Variants in ACACB observed in about 807,000 individuals in gnomAD.
The protein encoded by ACACB is acetyl-CoA carboxylase 2.
Under a neutral mutation model 278.8 loss-of-function variants are expected in ACACB, and 209 were observed. That is an observed-to-expected ratio of 0.75 (90% CI 0.67 to 0.84). ACACB has a LOEUF of 0.84. Among genes scored for constraint, ACACB ranks in the 40% least tolerant of loss-of-function variants. The pLI, the probability that ACACB is intolerant of heterozygous loss-of-function variation, is 0.00. For missense variants in ACACB, 2,850 were observed against 3,269.0 expected (o/e 0.87, Z 3.13); for synonymous variants, 1,174 against 1,285.6 (o/e 0.91, Z 1.86).
intron 28 of ACACB, among the ~76,000 whole-genome samples, chr12:109,232,064 G>T (rs2046489156): frequency 6.6e-6 from 1 of 152,220 alleles, no homozygotes; most frequent in African/African-American, 2.4e-5. Flanking sequence ...GAAGAGCAGT[G>T]TGGGGCCTGC....
At chr12:109,180,217 T>C in intron 11 of ACACB, 130 bp downstream of exon 11, 1 of 889,190 alleles carries the variant, frequency 1.1e-6, no homozygotes, top group East Asian at 2.6e-5. Context: ...AAAGAGCACT[T>C]TGAGAAATCT....
chr12:109,124,075 G>GT (rs137917102), intron 1 of ACACB, among the ~76,000 whole-genome samples: 6,273 of 149,498 alleles, frequency 0.042, 281 homozygotes, highest in East Asian at 0.26. Flanking sequence ...AAAGACACAA[G>GT]TTTTTTTTTT....
chr12:109,112,277 GTATATATGTATATATATTCAA>G (rs1472932630), upstream of ACACB, among the ~76,000 whole-genome samples: 2 of 146,526 alleles, frequency 1.4e-5, no homozygotes, highest in East Asian at 1.9e-4. Context: ...ATATATGTAT[GTATATATGTATATATATTCAA>G]TATATATGTG....
At chr12:109,222,683 A>C in intron 25 of ACACB, 63 bp downstream of exon 25, 1 of 1,533,050 alleles carries the variant, frequency 6.5e-7, no homozygotes, top group Non-Finnish European at 9.0e-7. Flanking sequence ...TGTGTCCCCT[A>C]CCGTGCTCAG....
Position 109,163,725 on chromosome 12 carries a change from CTA to C in ACACB, c.654-3135_654-3134del, listed in dbSNP as rs1315839478. On this transcript the variant is annotated intron_variant, in intron 2 of 52. Transcript: ENST00000338432. ...AGCGCAGTGGCACAATCTTGGCTCA[CTA>C]CAACATCCGCCTCCTGGGTTCAAGT... Among the ~76,000 whole-genome samples the C allele has an allele frequency of 2.6e-5, 4 of 152,290 alleles. No individual in the cohort carries two copies. The East Asian group carries it at 5.8e-4, about 22-fold the overall frequency.
chr12:109,209,491 G>T, intron 21 of ACACB, 138 bp downstream of exon 21: 1 of 857,028 alleles, frequency 1.2e-6, no homozygotes, highest in Non-Finnish European at 1.8e-6. Flanking sequence ...GGGGCCGAGG[G>T]TTTCCTTTTG....
chr12:109,195,985 G>A (rs559847272), intron 16 of ACACB, among the ~76,000 whole-genome samples: 1 of 152,266 alleles, frequency 6.6e-6, no homozygotes, highest in East Asian at 1.9e-4. Flanking sequence ...AAGGTTGTTG[G>A]CTTGCTAATT....
intron 41 of ACACB, among the ~76,000 whole-genome samples, chr12:109,250,760 G>A (rs2047073582): frequency 1.3e-5 from 2 of 152,170 alleles, no homozygotes; most frequent in Non-Finnish European, 2.9e-5. Context: ...TGGGTCTAAG[G>A]CAGAGTGAGA....
upstream of ACACB, chr12:109,116,459 A>C (rs968179357): frequency 1.3e-5 from 2 of 152,268 alleles, no homozygotes; most frequent in African/African-American, 2.4e-5. Flanking sequence ...CCAGGGCTGC[A>C]CAAGTGGTTT....
intron 19 of ACACB, among the ~76,000 whole-genome samples, chr12:109,202,579 T>C (rs917778263): frequency 6.6e-6 from 1 of 152,162 alleles, no homozygotes; most frequent in African/African-American, 2.4e-5. Flanking sequence ...CCTCCCAAAG[T>C]GATGGGATTA....
At position 109,210,562 on chromosome 12, in the gene ACACB, T is replaced by C. The variant is rs192009058; in HGVS notation, c.3249+1209T>C. ...ATACGTGCATGTATATATACATATA[T>C]ACATGTATGTGTGTATATACATATA... On this transcript the variant is annotated intron_variant, in intron 21 of 52. Coordinates refer to ENST00000338432, the MANE Select transcript of ACACB (RefSeq NM_001093.4). Among the ~76,000 whole-genome samples, 249 of 148,942 alleles carry C rather than the reference T, an allele frequency of 1.7e-3. 3 individuals are homozygous for C. Among genetic ancestry groups the C allele is most frequent in the Admixed American group, 3.7e-3 (55 of 14,884 alleles).
chr12:109,223,726 C>T, intron 26 of ACACB, 89 bp from the exon 27 acceptor site: 1 of 1,209,856 alleles, frequency 8.3e-7, no homozygotes, highest in Non-Finnish European at 1.2e-6. Context: ...CACACCACTG[C>T]ACTCCAGTTT....
chr12:109,264,017 G>A, intron 49 of ACACB: 1 of 553,484 alleles, frequency 1.8e-6, no homozygotes, highest in Non-Finnish European at 3.2e-6. Flanking sequence ...GGCCTGGGGT[G>A]GGGGCCAGGC....
chr12:109,205,454 C>CT (rs112616443), intron 19 of ACACB, among the ~76,000 whole-genome samples: 3,292 of 142,912 alleles, frequency 0.023, 107 homozygotes, highest in African/African-American at 0.073. Context: ...CTCAAGTCAG[C>CT]TTTTTTTTTT....
intron 21 of ACACB, 36 bp downstream of exon 21, chr12:109,209,389 A>G (rs2045615648): frequency 6.3e-7 from 1 of 1,582,882 alleles, no homozygotes; most frequent in East Asian, 2.3e-5. Context: ...CCCCACCAGG[A>G]TGGTCACACT....
intron 2 of ACACB, among the ~76,000 whole-genome samples, chr12:109,152,636 CTTTCTTTTTTT>C (rs1178598662): frequency 4.6e-5 from 4 of 86,520 alleles, no homozygotes; most frequent in African/African-American, 1.7e-4. Flanking sequence ...TTCTTTCTTT[CTTTCTTTTTTT>C]TTTTTTTTTT....
chr12:109,126,242 A>T (rs1180426503), intron 1 of ACACB, among the ~76,000 whole-genome samples: 1 of 152,226 alleles, frequency 6.6e-6, no homozygotes, highest in Non-Finnish European at 1.5e-5. Context: ...GGCTAGCCAG[A>T]CAGATCAGAC....
chr12:109,222,552 T>A lies in ACACB; in HGVS notation c.3610T>A (p.Ser1204Thr), dbSNP rs1356312009. 1.2e-6 allele frequency: 2 copies of A among 1,614,134 alleles called. No individual in the cohort carries two copies. The highest frequency in any genetic ancestry group is 2.2e-5 in the East Asian group (1 of 44,864). ...PDPSLSDELISILNELTQLSK... is the reference protein window; with the variant it reads ...PDPSLSDELITILNELTQLSK... ...CCCTTCCCTGTCGGACGAGCTGATC[T>A]CCATCCTCAACGAGCTCACTCAGCT... Residue 1204 changes from serine to threonine, a missense_variant, in exon 25 of 53, where the codon TCC becomes ACC. This residue lies in a region of ACACB where 2,265 missense variants were observed against 2,561.3 expected (regional missense o/e 0.88). Coordinates refer to ENST00000338432, the MANE Select transcript of ACACB (RefSeq NM_001093.4).
At position 109,191,946 on chromosome 12, in the gene ACACB, G is replaced by T. The variant is rs1305507948; in HGVS notation, c.2395G>T (p.Glu799Ter). ...TCMTDFLHSL[E>*]RGQVLPADSL... ...CATGACAGATTTCTTACACTCCCTG[G>T]AAAGGTAGGGGCTGTGGCAGTTCCC... Residue 799 changes from glutamate (E) to a stop codon, truncating the protein, a stop_gained, in exon 15 of 53, where the codon GAA becomes TAA. Coordinates refer to ENST00000338432, the MANE Select transcript of ACACB (RefSeq NM_001093.4). LOFTEE classifies it high-confidence loss of function. 2 of 1,614,062 alleles carry T rather than the reference G, an allele frequency of 1.2e-6. No individual in the cohort carries two copies. The highest frequency in any genetic ancestry group is 2.7e-5 in the African/African-American group (2 of 74,926).
Sources: allele counts gnomAD v4.1 joint callset (sites outside exome capture counted in the v4.1 genomes callset), GRCh38; gene constraint gnomAD v4.1.1; regional missense constraint gnomAD v4.1.1; transcripts MANE v1.5; gene names NCBI Gene and HGNC (gene_info 2026-07-23, HGNC 2026-07-21).